The following MINAR1 variants were observed in gnomAD, a reference collection of about 807,000 sequenced individuals.
MINAR1 encodes membrane integral NOTCH2 associated receptor 1, also known as major intrinsically disordered Notch2-binding receptor 1.
A neutral mutation model predicts 65.1 loss-of-function variants in MINAR1; 40 were observed. The ratio of observed to expected loss-of-function variants is 0.61; its 90% CI spans 0.48 to 0.80. The LOEUF (loss-of-function observed/expected upper bound fraction) is 0.80, where lower values mean the gene tolerates loss of function less well. MINAR1 is among the 30% of genes least tolerant of loss of function. MINAR1 has a pLI of 0.00. For missense variants in MINAR1, 1,128 were observed against 1,148.0 expected (o/e 0.98, Z 0.25); for synonymous variants, 482 against 449.1 (o/e 1.07, Z -0.93).
intron 1 of MINAR1, among the ~76,000 whole-genome samples, chr15:79,451,747 G>A (rs1895209584): frequency 6.6e-6 from 1 of 152,162 alleles, no homozygotes. Flanking sequence ...GAGTCTTTGC[G>A]GAGCTTTTCC....
At chr15:79,430,434 C>T (rs72742526), upstream of MINAR1, among the ~76,000 whole-genome samples, 7,262 of 152,252 alleles carry the variant, frequency 0.048, 236 homozygotes, top group Middle Eastern at 0.095. Flanking sequence ...CAACTGTTCT[C>T]GGTTTTGGGA....
intron 3 of MINAR1, among the ~76,000 whole-genome samples, chr15:79,467,858 C>T (rs1323631971): frequency 6.6e-6 from 1 of 152,116 alleles, no homozygotes; most frequent in Non-Finnish European, 1.5e-5. Context: ...TGAGGCCAGC[C>T]CCTCCTTGGT....
intron 1 of MINAR1, among the ~76,000 whole-genome samples, chr15:79,447,183 C>T (rs904386076): frequency 1.9e-4 from 29 of 152,160 alleles, no homozygotes; most frequent in African/African-American, 1.7e-4. Flanking sequence ...CCACTGCCCC[C>T]GGCCAGTTTC....
At chr15:79,437,228 C>T (rs1297308315) in intron 1 of MINAR1, among the ~76,000 whole-genome samples, 1 of 152,204 alleles carries the variant, frequency 6.6e-6, no homozygotes, top group African/African-American at 2.4e-5. Flanking sequence ...AAAAGGAGGC[C>T]TGTCTCAGCC....
intron 2 of MINAR1, among the ~76,000 whole-genome samples, chr15:79,458,678 C>T (rs1377921863): frequency 6.6e-6 from 1 of 152,204 alleles, no homozygotes; most frequent in East Asian, 1.9e-4. Context: ...ATATTGCTGA[C>T]AGCAGAACGT....
At chr15:79,462,184 G>A (rs1178365843) in intron 2 of MINAR1, among the ~76,000 whole-genome samples, 1 of 152,130 alleles carries the variant, frequency 6.6e-6, no homozygotes, top group Admixed American at 6.5e-5. Context: ...GGGATTAAAA[G>A]GTGAACAAAA....
intron 1 of MINAR1, among the ~76,000 whole-genome samples, chr15:79,453,698 TTCTA>T (rs1343651284): frequency 4.6e-5 from 7 of 152,232 alleles, no homozygotes. Flanking sequence ...ATGCACCTGT[TTCTA>T]TCCACAGACC....
intron 1 of MINAR1, among the ~76,000 whole-genome samples, chr15:79,454,599 TG>T (rs1895348185): frequency 6.6e-6 from 1 of 152,224 alleles, no homozygotes; most frequent in South Asian, 2.1e-4. Context: ...GTTAAATGTT[TG>T]GTTTGGTATT....
At chr15:79,453,645 A>G (rs750222844) in intron 1 of MINAR1, among the ~76,000 whole-genome samples, 13 of 152,182 alleles carry the variant, frequency 8.5e-5, no homozygotes, top group Non-Finnish European at 1.5e-4. Context: ...CAGTTTCTCT[A>G]TGATAACTGA....
intron 1 of MINAR1, among the ~76,000 whole-genome samples, chr15:79,445,273 A>G (rs1894982559): frequency 2.0e-5 from 3 of 152,144 alleles, no homozygotes; most frequent in Non-Finnish European, 2.9e-5. Flanking sequence ...AGTAGATACT[A>G]TTATCATCCC....
At chr15:79,449,253 A>C (rs1251773228) in intron 1 of MINAR1, among the ~76,000 whole-genome samples, 1 of 152,160 alleles carries the variant, frequency 6.6e-6, no homozygotes, top group African/African-American at 2.4e-5. Flanking sequence ...TCTTAACCTC[A>C]GGCTTGCTCT....
chr15:79,443,985 G>A (rs150668355), intron 1 of MINAR1, among the ~76,000 whole-genome samples: 3 of 152,284 alleles, frequency 2.0e-5, no homozygotes, highest in African/African-American at 7.2e-5. Context: ...CTTCCAAAAA[G>A]TTGTCTATTG....
At chr15:79,453,291 C>T (rs1371888602) in intron 1 of MINAR1, among the ~76,000 whole-genome samples, 3 of 152,076 alleles carry the variant, frequency 2.0e-5, no homozygotes, top group South Asian at 2.1e-4. Flanking sequence ...TCCTGGCATG[C>T]GATTGAGCCT....
chr15:79,429,986 C>T (rs1213108083), upstream of MINAR1, among the ~76,000 whole-genome samples: 3 of 152,106 alleles, frequency 2.0e-5, no homozygotes, highest in African/African-American at 7.2e-5. Context: ...AGGAATACCT[C>T]CCAAGGCTTG....
the MINAR1 span, chr15:79,411,551 A>G: frequency 1.4e-6 from 1 of 699,302 alleles, no homozygotes; most frequent in South Asian, 1.5e-5. Context: ...GGGAAGACAC[A>G]GAAGCTACGC....
chr15:79,444,279 C>T (rs1466220291), intron 1 of MINAR1, among the ~76,000 whole-genome samples: 1 of 152,166 alleles, frequency 6.6e-6, no homozygotes, highest in Non-Finnish European at 1.5e-5. Flanking sequence ...TAAAGTTCTC[C>T]ATAAATGTTA....
chr15:79,461,886 C>G (rs2865237), intron 2 of MINAR1, among the ~76,000 whole-genome samples: 1 of 152,128 alleles, frequency 6.6e-6, no homozygotes, highest in African/African-American at 2.4e-5. Context: ...CACACACACT[C>G]CAGGTGTGCT....
At chr15:79,427,750 A>G (rs1033728267), upstream of MINAR1, among the ~76,000 whole-genome samples, 2 of 152,224 alleles carry the variant, frequency 1.3e-5, no homozygotes, top group South Asian at 2.1e-4. Flanking sequence ...TATCCTTTTA[A>G]GTGCTTATAT....
At position 79,471,638 on chromosome 15, in the gene MINAR1, T is replaced by C. The variant is rs1047238799; in HGVS notation, c.*3254T>C. On this transcript the variant is annotated 3_prime_UTR_variant, in exon 4 of 4. Coordinates refer to ENST00000305428, the MANE Select transcript of MINAR1 (RefSeq NM_015206.3). ...ATCTGTGCCATAGTTCTGATACCCTTATTGGAATCAAGGCAGTGCTGTTTC... is the reference window on the plus strand; with the variant it reads ...ATCTGTGCCATAGTTCTGATACCCTCATTGGAATCAAGGCAGTGCTGTTTC... 2.0e-5 allele frequency: 3 copies of C among 152,588 alleles called. No homozygotes were observed. Among genetic ancestry groups the C allele is most frequent in the African/African-American group, 7.2e-5 (3 of 41,402 alleles). The allele number at this position is 152,588 out of a possible 1,614,324, so 9.5% of individuals were successfully genotyped here. A position where few individuals can be genotyped will look rare whatever the true frequency, so the allele number is the denominator to read the frequency against.
Sources: gnomAD v4.1 joint callset for allele counts (sites outside exome capture counted in the v4.1 genomes callset) on GRCh38, gnomAD v4.1.1 for gene constraint, MANE v1.5 for transcripts, NCBI Gene and HGNC (gene_info 2026-07-23, HGNC 2026-07-21) for gene names.